Variants in CDK17 observed in about 807,000 individuals in gnomAD.
CDK17 encodes cyclin-dependent kinase 17.
CDK17 carries 24 observed loss-of-function variants against 77.6 expected under a neutral mutation model. The observed-to-expected ratio is 0.31, with a 90% CI of 0.22 to 0.44. The LOEUF (loss-of-function observed/expected upper bound fraction) is 0.44. Among genes scored for constraint, CDK17 ranks in the 20% least tolerant of loss-of-function variants. The pLI is 1.00. For missense variants in CDK17, 429 were observed against 622.5 expected (o/e 0.69, Z 3.31); for synonymous variants, 203 against 210.4 (o/e 0.96, Z 0.30).
At chr12:96,296,151 C>T (rs1302688750) in intron 9 of CDK17, among the ~76,000 whole-genome samples, 3 of 152,162 alleles carry the variant, frequency 2.0e-5, no homozygotes, top group African/African-American at 7.2e-5. Flanking sequence ...AATAATAAAA[C>T]GCTTTCCAAC....
chr12:96,338,235 C>T (rs900981490), intron 1 of CDK17, among the ~76,000 whole-genome samples: 3 of 152,188 alleles, frequency 2.0e-5, no homozygotes, highest in Non-Finnish European at 2.9e-5. Flanking sequence ...GTTGTCATAG[C>T]CCATGCAACT....
At chr12:96,313,614 A>T (rs1952671446) in intron 3 of CDK17, among the ~76,000 whole-genome samples, 160 bp from the exon 4 acceptor site, 2 of 152,238 alleles carry the variant, frequency 1.3e-5, no homozygotes, top group South Asian at 4.1e-4. Flanking sequence ...AGATGAAAAC[A>T]TGACTCAAAT....
chr12:96,398,966 T>C (rs554378868), intron 1 of CDK17: 1 of 152,312 alleles, frequency 6.6e-6, no homozygotes, highest in African/African-American at 2.4e-5. Context: ...CATGTGACAT[T>C]ATAGATCCCA....
At chr12:96,285,021 T>C (rs938249757) in intron 13 of CDK17, among the ~76,000 whole-genome samples, 48 of 152,178 alleles carry the variant, frequency 3.2e-4, no homozygotes, top group Non-Finnish European at 5.3e-4. Flanking sequence ...ACATTCTATG[T>C]AGTTTGCCAT....
chr12:96,376,119 C>T (rs1187653777), intron 1 of CDK17, among the ~76,000 whole-genome samples: 1 of 152,214 alleles, frequency 6.6e-6, no homozygotes, highest in Non-Finnish European at 1.5e-5. Flanking sequence ...CATGACTTTG[C>T]TATTCCAGGA....
rs538044171 is a variant in CDK17 at position 96,385,202 on chromosome 12, C to T, written c.-30+14784G>A. Among the ~76,000 whole-genome samples the T allele has an allele frequency of 2.7e-5, 4 of 150,524 alleles. No homozygotes were observed. In the South Asian group the frequency reaches 8.4e-4, roughly 32 times the overall value. Reference sequence around the variant, plus strand: ...TGGTGGGCACCTGTAGTCCCAGCTACTCAGGAGGCTGAGGCAGGAGAGTTG... The same window carrying T: ...TGGTGGGCACCTGTAGTCCCAGCTATTCAGGAGGCTGAGGCAGGAGAGTTG... On this transcript the variant is annotated intron_variant, in intron 1 of 16. Transcript: ENST00000261211.
chr12:96,395,846 C>G (rs976825886), intron 1 of CDK17, among the ~76,000 whole-genome samples: 1 of 152,190 alleles, frequency 6.6e-6, no homozygotes, highest in African/African-American at 2.4e-5. Context: ...GAGGAAAGGA[C>G]TTAAGAGTGC....
rs1952136293 is a variant in CDK17 at position 96,278,716 on chromosome 12, T to G, written c.*1526A>C. 6.6e-6 allele frequency: 1 copy of G among 152,586 alleles called. No homozygotes were observed. Among genetic ancestry groups the G allele is most frequent in the African/African-American group, 2.4e-5 (1 of 41,450 alleles). The allele number at this position is 152,586 out of a possible 1,614,324, so 9.5% of individuals were successfully genotyped here. Reference sequence around the variant, plus strand: ...TTAACATAAAACCAATTTACAAATGTGAAAAGCAGTAGTGGTCCAATATTC... The same window carrying G: ...TTAACATAAAACCAATTTACAAATGGGAAAAGCAGTAGTGGTCCAATATTC... On this transcript the variant is annotated 3_prime_UTR_variant, in exon 17 of 17. Coordinates refer to ENST00000261211, the MANE Select transcript of CDK17 (RefSeq NM_002595.5).
intron 1 of CDK17, among the ~76,000 whole-genome samples, chr12:96,350,184 AT>A (rs1203095562): frequency 9.2e-5 from 14 of 152,188 alleles, no homozygotes; most frequent in Admixed American, 2.0e-4. Flanking sequence ...TGATGTCAAC[AT>A]TATCCAAATG....
intron 1 of CDK17, among the ~76,000 whole-genome samples, chr12:96,357,677 T>TTA (rs1310226896): frequency 9.2e-5 from 14 of 152,132 alleles, no homozygotes; most frequent in Non-Finnish European, 2.9e-5. Context: ...CACTGAGAGG[T>TTA]TACACCTCTG....
chr12:96,309,946 C>T (rs1473252054), intron 5 of CDK17, among the ~76,000 whole-genome samples: 1 of 152,096 alleles, frequency 6.6e-6, no homozygotes, highest in Non-Finnish European at 1.5e-5. Context: ...TCTAGGGAAG[C>T]AGAATATAAT....
At chr12:96,284,056 C>T (rs934720318) in intron 13 of CDK17, among the ~76,000 whole-genome samples, 1 of 152,186 alleles carries the variant, frequency 6.6e-6, no homozygotes, top group African/African-American at 2.4e-5. Context: ...AAATGTATCA[C>T]TGTTGTTCAA....
Position 96,281,010 on chromosome 12 carries a change from C to A in CDK17, c.1457-125G>T, listed in dbSNP as rs552985926. ...ATGAAACCATTTTACAAGGTGATAG[C>A]CCTGCTGAAATTTTTCCTTTTTGTC... On this transcript the variant is annotated intron_variant, in intron 15 of 16. Coordinates refer to ENST00000261211, the MANE Select transcript of CDK17 (RefSeq NM_002595.5). The A allele has an allele frequency of 7.3e-5, 58 of 791,726 alleles. No individual in the cohort carries two copies. In the East Asian group the frequency reaches 1.5e-3, roughly 21 times the overall value. The allele number at this position is 791,726 out of a possible 1,614,324, so 49.0% of individuals were successfully genotyped here.
At chr12:96,368,668 C>A (rs543473043) in intron 1 of CDK17, among the ~76,000 whole-genome samples, 1 of 152,000 alleles carries the variant, frequency 6.6e-6, no homozygotes, top group Non-Finnish European at 1.5e-5. Context: ...AAGTGTTCCA[C>A]ATTTTCGTCT....
chr12:96,300,569 G>A (rs768678333), intron 5 of CDK17, among the ~76,000 whole-genome samples: 2 of 151,984 alleles, frequency 1.3e-5, no homozygotes, highest in Admixed American at 6.6e-5. Context: ...GCAAATTTTT[G>A]CATTTTTAGC....
intron 1 of CDK17, among the ~76,000 whole-genome samples, chr12:96,392,729 G>A (rs1032030777): frequency 2.0e-5 from 3 of 152,112 alleles, no homozygotes; most frequent in Admixed American, 2.0e-4. Context: ...ATATCGAGTA[G>A]GAAGCTGGAA....
At chr12:96,394,939 G>C (rs138547377) in intron 1 of CDK17, among the ~76,000 whole-genome samples, 4,502 of 147,684 alleles carry the variant, frequency 0.03, 221 homozygotes, top group African/African-American at 0.11. Flanking sequence ...GCAATGGTGC[G>C]ATCTTGGCTC....
intron 1 of CDK17, among the ~76,000 whole-genome samples, chr12:96,342,111 G>A (rs541487580): frequency 6.6e-6 from 1 of 152,280 alleles, no homozygotes; most frequent in Admixed American, 6.5e-5. Context: ...ACGTAATGTT[G>A]CTTTTGTCAG....
intron 1 of CDK17, among the ~76,000 whole-genome samples, chr12:96,391,868 C>T (rs945264234): frequency 1.3e-4 from 20 of 152,130 alleles, no homozygotes; most frequent in African/African-American, 3.9e-4. Context: ...CAAATACCAC[C>T]AAAACTGTAT....
Sources: gnomAD v4.1 joint callset for allele counts (sites outside exome capture counted in the v4.1 genomes callset) on GRCh38, gnomAD v4.1.1 for gene constraint, MANE v1.5 for transcripts, NCBI Gene and HGNC (gene_info 2026-07-23, HGNC 2026-07-21) for gene names.